The following MICU1 variants were observed in gnomAD, a reference collection of about 807,000 sequenced individuals.
The protein encoded by MICU1 is calcium uptake protein 1, mitochondrial.
In MICU1, 45 loss-of-function variants were observed where a neutral mutation model predicts 56.8. The ratio of observed to expected loss-of-function variants is 0.79; its 90% CI spans 0.62 to 1.02. The LOEUF (loss-of-function observed/expected upper bound fraction) is 1.02. Among genes scored for constraint, MICU1 ranks in the 50% least tolerant of loss-of-function variants. The pLI is 0.00. For synonymous variants in MICU1, 186 were observed against 195.1 expected (o/e 0.95, Z 0.39); for missense variants, 504 against 587.1 (o/e 0.86, Z 1.46).
At chr10:72,520,746 G>C (rs1200365262) in intron 5 of MICU1, among the ~76,000 whole-genome samples, 1 of 152,074 alleles carries the variant, frequency 6.6e-6, no homozygotes, top group Non-Finnish European at 1.5e-5. Flanking sequence ...CAGATGATTT[G>C]ATTAAAAAGC....
At chr10:72,553,442 C>T (rs952270610) in intron 3 of MICU1, among the ~76,000 whole-genome samples, 4 of 152,068 alleles carry the variant, frequency 2.6e-5, no homozygotes, top group African/African-American at 9.7e-5. Flanking sequence ...ACCGTGTTAG[C>T]CAGGATGGTC....
intron 8 of MICU1, among the ~76,000 whole-genome samples, chr10:72,436,383 C>T (rs113203276): frequency 0.045 from 6,796 of 152,212 alleles, 415 homozygotes; most frequent in East Asian, 0.19. Context: ...ACAAAAAGGA[C>T]GTCCACACCA....
intron 6 of MICU1, among the ~76,000 whole-genome samples, chr10:72,499,267 A>G (rs561650829): frequency 1.6e-3 from 245 of 152,324 alleles, no homozygotes; most frequent in African/African-American, 5.7e-3. Flanking sequence ...AAATATTTTA[A>G]TATTCTAGAA....
intron 8 of MICU1, among the ~76,000 whole-genome samples, chr10:72,456,405 A>C (rs1264302436): frequency 6.6e-6 from 1 of 152,232 alleles, no homozygotes; most frequent in Non-Finnish European, 1.5e-5. Context: ...TTCTAAGATC[A>C]GATTATACAA....
intron 6 of MICU1, among the ~76,000 whole-genome samples, chr10:72,481,921 A>G (rs548645889): frequency 6.6e-6 from 1 of 152,342 alleles, no homozygotes; most frequent in African/African-American, 2.4e-5. Context: ...ACTAGGATAC[A>G]GAGCTACATT....
At chr10:72,606,739 G>A (rs974766365) in intron 1 of MICU1, among the ~76,000 whole-genome samples, 3 of 152,160 alleles carry the variant, frequency 2.0e-5, no homozygotes, top group African/African-American at 7.2e-5. Context: ...GTCCCAGAAT[G>A]AGAGGGCTGG....
chr10:72,421,287 G>A (rs552357378), intron 9 of MICU1, among the ~76,000 whole-genome samples: 3 of 149,844 alleles, frequency 2.0e-5, no homozygotes, highest in Admixed American at 1.3e-4. Context: ...ATAGAGTTTC[G>A]TTCTTTCTCC....
chr10:72,553,667 A>T (rs2132449533), intron 3 of MICU1, among the ~76,000 whole-genome samples: 1 of 152,342 alleles, frequency 6.6e-6, no homozygotes, highest in African/African-American at 2.4e-5. Flanking sequence ...CTTTGTGAAT[A>T]AAAAAGTTAA....
intron 4 of MICU1, among the ~76,000 whole-genome samples, chr10:72,537,738 GTGTAAAAGTAGAGTATA>G (rs1205153283): frequency 3.3e-5 from 5 of 151,712 alleles, no homozygotes; most frequent in South Asian, 2.1e-4. Flanking sequence ...ATAAATATGT[GTGTAAAAGTAGAGTATA>G]TGTAAAAGTA....
intron 1 of MICU1, among the ~76,000 whole-genome samples, chr10:72,585,190 G>A (rs192681450): frequency 1.7e-3 from 260 of 151,270 alleles, no homozygotes; most frequent in African/African-American, 5.9e-3. Flanking sequence ...CGGTTCAAGC[G>A]ATTCTCACCC....
At chr10:72,439,442 T>A (rs1864846986) in intron 8 of MICU1, among the ~76,000 whole-genome samples, 1 of 152,114 alleles carries the variant, frequency 6.6e-6, no homozygotes, top group African/African-American at 2.4e-5. Flanking sequence ...ATAGCCAATA[T>A]CATATTGAAT....
intron 5 of MICU1, among the ~76,000 whole-genome samples, chr10:72,532,333 A>G (rs1208849069): frequency 1.3e-5 from 2 of 151,972 alleles, no homozygotes; most frequent in African/African-American, 2.4e-5. Flanking sequence ...AAAAAAAGTT[A>G]TTTATTAAAA....
chr10:72,465,314 T>TC (rs1491257009), intron 8 of MICU1, among the ~76,000 whole-genome samples: 10 of 149,564 alleles, frequency 6.7e-5, no homozygotes, highest in Non-Finnish European at 1.5e-4. Context: ...TTTTTGTTTT[T>TC]TTTTTTTTTT....
chr10:72,622,060 C>T (rs578034182), intron 1 of MICU1, among the ~76,000 whole-genome samples: 8 of 152,088 alleles, frequency 5.3e-5, no homozygotes, highest in East Asian at 1.9e-4. Flanking sequence ...GGACTACAGG[C>T]GCCTGCCACC....
Position 72,613,536 on chromosome 10 carries a change from T to A in MICU1, c.-2+12474A>T, listed in dbSNP as rs547870872. 2.1e-4 allele frequency among the ~76,000 whole-genome samples: 32 copies of A among 152,036 alleles called. No homozygotes were observed. The East Asian group carries it at 4.8e-3, about 23-fold the overall frequency. ...AAGCAGTCCTCCCACCTCAGCTTCC[T>A]AAAGCTCTGGGATTATGAGCATGAG... is the stretch of plus-strand genomic sequence containing the variant. On this transcript the variant is annotated intron_variant, in intron 1 of 11. Coordinates refer to ENST00000361114, the MANE Select transcript of MICU1 (RefSeq NM_001195518.2).
intron 1 of MICU1, among the ~76,000 whole-genome samples, chr10:72,590,526 A>C (rs181606091): frequency 2.0e-5 from 3 of 152,200 alleles, no homozygotes; most frequent in African/African-American, 7.2e-5. Flanking sequence ...AAAACAGAAG[A>C]CAGGTCGGGT....
intron 8 of MICU1, among the ~76,000 whole-genome samples, chr10:72,469,845 C>T (rs1865898178): frequency 1.3e-5 from 2 of 152,178 alleles, no homozygotes; most frequent in South Asian, 2.1e-4. Context: ...CCTTGGCTTA[C>T]AGATGACTGC....
At chr10:72,530,398 A>G (rs1241416144) in intron 5 of MICU1, among the ~76,000 whole-genome samples, 1 of 148,728 alleles carries the variant, frequency 6.7e-6, no homozygotes, top group African/African-American at 2.4e-5. Flanking sequence ...TTGTATTACC[A>G]TCTCTATAAT....
intron 4 of MICU1, among the ~76,000 whole-genome samples, chr10:72,543,879 G>A (rs1359178430): frequency 6.6e-6 from 1 of 152,032 alleles, no homozygotes; most frequent in Non-Finnish European, 1.5e-5. Context: ...TAGGGTAAGG[G>A]AGGAGACCAC....
Sources: gnomAD v4.1 joint callset for allele counts (sites outside exome capture counted in the v4.1 genomes callset) on GRCh38, gnomAD v4.1.1 for gene constraint, MANE v1.5 for transcripts, NCBI Gene and HGNC (gene_info 2026-07-23, HGNC 2026-07-21) for gene names.